KDM3B: variants seen among roughly 807,000 people sequenced by gnomAD.
KDM3B encodes lysine-specific demethylase 3B.
Under a neutral mutation model 170.0 loss-of-function variants are expected in KDM3B, and 10 were observed. The ratio of observed to expected loss-of-function variants is 0.06; its 90% CI spans 0.04 to 0.10. The LOEUF (loss-of-function observed/expected upper bound fraction) is 0.10, where lower values mean the gene tolerates loss of function less well. Ranked by LOEUF, KDM3B falls within the 10% of genes least tolerant of loss-of-function variation. The pLI, the probability that KDM3B is intolerant of heterozygous loss-of-function variation, is 1.00. For missense variants in KDM3B, 1,394 were observed against 2,195.2 expected, an observed-to-expected ratio of 0.64 and a Z score of 7.29; for synonymous variants, 831 against 834.8, an observed-to-expected ratio of 1.00 and a Z score of 0.08.
chr5:138,431,257 CA>C (rs1398489768), intron 22 of KDM3B, among the ~76,000 whole-genome samples, 167 bp from the exon 23 acceptor site: 2 of 152,044 alleles, frequency 1.3e-5, no homozygotes, highest in Non-Finnish European at 2.9e-5. Flanking sequence ...TGCACCTGGC[CA>C]TTGCTTTTAT....
intron 14 of KDM3B, among the ~76,000 whole-genome samples, chr5:138,419,753 A>G (rs1763222156): frequency 6.7e-6 from 1 of 149,222 alleles, no homozygotes; most frequent in South Asian, 2.1e-4. Flanking sequence ...ACACACACAC[A>G]CACACACACA....
chr5:138,394,181 T>C (rs764886108), intron 9 of KDM3B, among the ~76,000 whole-genome samples: 20 of 152,076 alleles, frequency 1.3e-4, no homozygotes, highest in Non-Finnish European at 2.8e-4. Context: ...GAGACCAGCA[T>C]GGGCAACATA....
chr5:138,414,408 G>A (rs966315567), intron 11 of KDM3B, among the ~76,000 whole-genome samples: 3 of 151,950 alleles, frequency 2.0e-5, no homozygotes, highest in Admixed American at 1.3e-4. Flanking sequence ...GTCATGATCC[G>A]CCCGCCTCGG....
intron 6 of KDM3B, among the ~76,000 whole-genome samples, chr5:138,382,029 GA>G (rs1762138049): frequency 6.6e-6 from 1 of 151,536 alleles, no homozygotes; most frequent in Admixed American, 6.6e-5. Flanking sequence ...TTCCCAAGTA[GA>G]ATCAATTCAA....
intron 9 of KDM3B, among the ~76,000 whole-genome samples, chr5:138,395,660 A>G (rs1272636979): frequency 6.6e-6 from 1 of 152,218 alleles, no homozygotes; most frequent in East Asian, 1.9e-4. Flanking sequence ...CCTGTTGCCC[A>G]GGCTGGAGTG....
At chr5:138,425,636 A>G (rs1763373176) in intron 17 of KDM3B, 54 bp downstream of exon 17, 1 of 1,473,470 alleles carries the variant, frequency 6.8e-7, no homozygotes, top group Non-Finnish European at 9.4e-7. Flanking sequence ...ATAAGCATCT[A>G]TACGCCCAGC....
At chr5:138,414,478 T>C (rs1763053730) in intron 11 of KDM3B, among the ~76,000 whole-genome samples, 2 of 151,998 alleles carry the variant, frequency 1.3e-5, no homozygotes, top group African/African-American at 4.8e-5. Context: ...AGCAAAACTT[T>C]AGTATTATAA....
intron 12 of KDM3B, among the ~76,000 whole-genome samples, chr5:138,416,698 G>A (rs1283868307): frequency 6.6e-6 from 1 of 151,872 alleles, no homozygotes; most frequent in Non-Finnish European, 1.5e-5. Context: ...TTTCCTGAGT[G>A]CAGTGGTAGG....
At chr5:138,403,507 C>T (rs1038025612) in intron 11 of KDM3B, among the ~76,000 whole-genome samples, 1 of 151,836 alleles carries the variant, frequency 6.6e-6, no homozygotes, top group Admixed American at 6.6e-5. Context: ...GAAACCCCGT[C>T]TGCATGAAAA....
intron 5 of KDM3B, among the ~76,000 whole-genome samples, chr5:138,380,304 T>C (rs931622130): frequency 1.3e-5 from 2 of 149,050 alleles, no homozygotes; most frequent in Non-Finnish European, 3.0e-5. Flanking sequence ...TATTATATTA[T>C]ATTTATTTAT....
At chr5:138,404,619 C>T (rs1762769890) in intron 11 of KDM3B, among the ~76,000 whole-genome samples, 1 of 140,792 alleles carries the variant, frequency 7.1e-6, no homozygotes, top group African/African-American at 2.5e-5. Flanking sequence ...AAGAGCAAAA[C>T]TCCATCTAAA....
intron 6 of KDM3B, among the ~76,000 whole-genome samples, chr5:138,385,663 G>C (rs975423834): frequency 1.3e-5 from 2 of 152,232 alleles, no homozygotes; most frequent in African/African-American, 4.8e-5. Flanking sequence ...AATAAAGTGA[G>C]TTATTTCATC....
chr5:138,386,611 C>G lies in KDM3B; in HGVS notation c.1370C>G (p.Ala457Gly). The G allele has an allele frequency of 6.2e-7, 1 of 1,610,602 alleles. No homozygotes were observed. ...AAACAGAAAGGCAGCCGGTCGCAGG[C>G]CTCGGGAGAGGTGAGTTACTTCAGG... Reference protein sequence around the residue: ...PEKQKGSRSQASGENSRNSIL... With the variant: ...PEKQKGSRSQGSGENSRNSIL... The change falls in exon 7 of 24, where the codon GCC becomes GGC. Residue 457 changes from alanine (A) to glycine (G), a missense_variant. By Grantham distance (60) the Ala-to-Gly change is moderately conservative. This residue lies in a region of KDM3B where 205 missense variants were observed against 227.6 expected (regional missense o/e 0.90). Coordinates refer to ENST00000314358, the MANE Select transcript of KDM3B (RefSeq NM_016604.4).
intron 1 of KDM3B, among the ~76,000 whole-genome samples, chr5:138,362,117 C>G (rs952896863): frequency 6.6e-6 from 1 of 151,900 alleles, no homozygotes; most frequent in South Asian, 2.1e-4. Flanking sequence ...GCCAGGAGTT[C>G]GAGACCAGTC....
intron 3 of KDM3B, among the ~76,000 whole-genome samples, chr5:138,377,127 C>T (rs991463743): frequency 2.0e-5 from 3 of 152,198 alleles, no homozygotes; most frequent in African/African-American, 7.2e-5. Context: ...GCTCGTTAGG[C>T]CTCATTCCCT....
At chr5:138,358,794 T>C (rs1161388723) in intron 1 of KDM3B, among the ~76,000 whole-genome samples, 2 of 123,172 alleles carry the variant, frequency 1.6e-5, no homozygotes, top group Admixed American at 7.9e-5. Flanking sequence ...TTATTTTTAT[T>C]TTTTTATTAT....
chr5:138,429,950 G>A lies in KDM3B; in HGVS notation c.4878G>A (p.Arg1626=). The change falls in exon 21 of 24, where the codon CGG becomes CGA. Residue 1626 remains arginine (R), a synonymous_variant. Transcript: ENST00000314358. ...IYAAKDAEKI[R]ELLRKVGEEQ... The stretch of plus-strand genomic sequence containing the variant: ...CAGCCAAGGATGCAGAGAAGATCCG[G>A]GAGCTGCTCCGAAAGGTACGCCCCT... 2.5e-6 allele frequency: 4 copies of A among 1,614,146 alleles called. No individual in the cohort carries two copies. The highest frequency in any genetic ancestry group is 3.4e-6 in the Non-Finnish European group (4 of 1,180,028).
At chr5:138,405,223 T>C (rs988071027) in intron 11 of KDM3B, among the ~76,000 whole-genome samples, 26 of 151,032 alleles carry the variant, frequency 1.7e-4, no homozygotes, top group Non-Finnish European at 3.7e-4. Context: ...TTTGTACTTT[T>C]AGTAGAGATG....
intron 3 of KDM3B, among the ~76,000 whole-genome samples, chr5:138,376,653 A>G (rs1762006772): frequency 6.6e-6 from 1 of 151,122 alleles, no homozygotes; most frequent in Non-Finnish European, 1.5e-5. Context: ...GCAGTGAGCC[A>G]GGATCGTGCC....
Sources: allele counts gnomAD v4.1 joint callset (sites outside exome capture counted in the v4.1 genomes callset), GRCh38; gene constraint gnomAD v4.1.1; regional missense constraint gnomAD v4.1.1; transcripts MANE v1.5; gene names NCBI Gene and HGNC (gene_info 2026-07-23, HGNC 2026-07-21).